Variants in TARBP1 observed in about 807,000 individuals in gnomAD.
TARBP1 encodes the protein tRNA (guanosine(18)-2'-O)-methyltransferase TARBP1.
In TARBP1, 144 loss-of-function variants were observed where a neutral mutation model predicts 178.6. The observed-to-expected ratio is 0.81, with a 90% CI of 0.70 to 0.93. TARBP1 has a LOEUF of 0.93. TARBP1 is among the 40% of genes least tolerant of loss of function. The pLI, the probability that TARBP1 is intolerant of heterozygous loss-of-function variation, is 0.00. For missense variants in TARBP1, 2,067 were observed against 2,011.7 expected, an observed-to-expected ratio of 1.03 and a Z score of -0.53; for synonymous variants, 787 against 781.0, an observed-to-expected ratio of 1.01 and a Z score of -0.13.
chr1:234,429,782 G>A, intron 15 of TARBP1, 105 bp from the exon 16 acceptor site: 1 of 1,252,002 alleles, frequency 8.0e-7, no homozygotes, highest in East Asian at 2.4e-5. Context: ...GGGGGGCAGT[G>A]TACAGATATA....
chr1:234,443,901 A>C (rs912949360), intron 12 of TARBP1, among the ~76,000 whole-genome samples: 4 of 152,226 alleles, frequency 2.6e-5, no homozygotes, highest in African/African-American at 9.6e-5. Context: ...GGAGGTACCC[A>C]GAGGAGTCAA....
chr1:234,478,963 C>G lies in TARBP1; in HGVS notation c.141G>C (p.Glu47Asp). 2.0e-6 allele frequency: 3 copies of G among 1,466,572 alleles called. No individual in the cohort carries two copies. In the South Asian group the frequency reaches 3.9e-5, roughly 19 times the overall value. The allele number at this position is 1,466,572 out of a possible 1,614,324, so 90.8% of individuals were successfully genotyped here. Residue 47 changes from glutamate (E) to aspartate (D), a missense_variant, in exon 1 of 30, where the codon GAG becomes GAC. Coordinates refer to ENST00000040877, the MANE Select transcript of TARBP1 (RefSeq NM_005646.4). ...CGCCTGCGCCCCCGCTGCCGCGCGC[C>G]TCCTCGTCCTCGAGCCGCTGCAGAA... ...RFLLQRLEDE[E>D]ARGSGGAGAL... is the part of the protein sequence containing the mutation.
chr1:234,422,620 G>C (rs1663235152), intron 20 of TARBP1, among the ~76,000 whole-genome samples: 1 of 151,874 alleles, frequency 6.6e-6, no homozygotes, highest in Admixed American at 6.6e-5. Flanking sequence ...GAGGGTGTGG[G>C]GATGGCTAAT....
intron 25 of TARBP1, 141 bp downstream of exon 25, chr1:234,401,040 C>T (rs1660624638): frequency 1.7e-6 from 1 of 600,402 alleles, no homozygotes; most frequent in South Asian, 2.3e-5. Flanking sequence ...CAAAGTTAAA[C>T]TTAGAACTTT....
rs370828855 is a variant in TARBP1 at position 234,446,831 on chromosome 1, G to T, written c.2106C>A (p.Cys702Ter). ...CTTGGGCACTGGAACCTTTCAACCT[G>T]CATGTGTTCAACAGCTTCAACAGCA... is the stretch of plus-strand genomic sequence containing the variant. ...LQLLLKLLNT[C>*]RLKGSSAQDD... The change falls in exon 12 of 30, where the codon TGC becomes TGA. Residue 702 changes from cysteine (C) to a stop codon, truncating the protein, a stop_gained. Coordinates refer to ENST00000040877, the MANE Select transcript of TARBP1 (RefSeq NM_005646.4). LOFTEE classifies it high-confidence loss of function. The T allele has an allele frequency of 1.2e-6, 2 of 1,613,768 alleles. No individual in the cohort carries two copies. The highest frequency in any genetic ancestry group is 2.7e-5 in the African/African-American group (2 of 74,864).
intron 9 of TARBP1, among the ~76,000 whole-genome samples, chr1:234,453,961 TG>T (rs1475564201): frequency 6.6e-6 from 1 of 152,064 alleles, no homozygotes; most frequent in East Asian, 1.9e-4. Context: ...GAGTCAGAGA[TG>T]AAAACAGACA....
intron 3 of TARBP1, among the ~76,000 whole-genome samples, chr1:234,469,060 CTTT>C (rs765324709): frequency 0.024 from 1,635 of 68,434 alleles, 20 homozygotes; most frequent in South Asian, 0.046. Context: ...CGGTTTTTGC[CTTT>C]TTTTTTTTTT....
rs2103023475 is a variant in TARBP1, at chr1:234,391,432, A to G, written c.*145T>C. 1 of 763,736 alleles carries G rather than the reference A, an allele frequency of 1.3e-6. No homozygotes were observed. Among genetic ancestry groups the G allele is most frequent in the East Asian group, 2.8e-5 (1 of 35,784 alleles). The allele number at this position is 763,736 out of a possible 1,614,324, so 47.3% of individuals were successfully genotyped here. On this transcript the variant is annotated 3_prime_UTR_variant, in exon 30 of 30. Transcript: ENST00000040877. ...GGGAAAATATATAGTAATATGTTTA[A>G]GGCACATGGCAAACTTTTGGCATTA...
chr1:234,414,684 G>A (rs150643460), intron 22 of TARBP1, among the ~76,000 whole-genome samples: 161 of 152,180 alleles, frequency 1.1e-3, no homozygotes, highest in Admixed American at 2.2e-3. Context: ...AGTGGGTTGG[G>A]AAGGATGTGA....
chr1:234,419,406 G>C lies in TARBP1; in HGVS notation c.3556-1173C>G, dbSNP rs143286922. Among the ~76,000 whole-genome samples the C allele has an allele frequency of 9.4e-4, 143 of 152,136 alleles. 1 individual carries two copies. The East Asian group carries it at 0.026, about 28-fold the overall frequency. On this transcript the variant is annotated intron_variant, in intron 21 of 29. Transcript: ENST00000040877. The stretch of plus-strand genomic sequence containing the variant: ...TTCACCACTAGCTGTGTAACCTCTC[G>C]GGAAGGACACCTAACCTCTCTCAAC...
intron 1 of TARBP1, among the ~76,000 whole-genome samples, chr1:234,475,344 A>G (rs747363754): frequency 5.9e-5 from 9 of 152,192 alleles, no homozygotes; most frequent in Non-Finnish European, 1.3e-4. Context: ...GCCTTGATAC[A>G]AGCAAAAGTT....
chr1:234,473,078 AC>A (rs1669225937), intron 1 of TARBP1, among the ~76,000 whole-genome samples: 1 of 152,178 alleles, frequency 6.6e-6, no homozygotes, highest in Non-Finnish European at 1.5e-5. Flanking sequence ...TCTCACTATA[AC>A]AGTAAAGGAT....
intron 12 of TARBP1, among the ~76,000 whole-genome samples, chr1:234,445,265 C>T (rs1167466337): frequency 6.6e-6 from 1 of 152,078 alleles, no homozygotes; most frequent in Non-Finnish European, 1.5e-5. Context: ...TCCTCTTCAC[C>T]TCACTAACCT....
intron 20 of TARBP1, among the ~76,000 whole-genome samples, chr1:234,423,795 G>A (rs1212778477): frequency 7.4e-6 from 1 of 135,718 alleles, no homozygotes; most frequent in Non-Finnish European, 1.5e-5. Flanking sequence ...TCACTGTGTT[G>A]CCCAGGCTGG....
chr1:234,445,730 G>A (rs965008925), intron 12 of TARBP1, among the ~76,000 whole-genome samples: 1 of 152,164 alleles, frequency 6.6e-6, no homozygotes. Context: ...GTTAACAGGA[G>A]GGCACTAAAC....
intron 9 of TARBP1, among the ~76,000 whole-genome samples, chr1:234,451,766 A>AAAAAAAAAAAAAAAAC (rs57636903): frequency 1.2e-4 from 2 of 17,174 alleles, no homozygotes; most frequent in African/African-American, 4.1e-4. Flanking sequence ...AAAAAAAAAA[A>AAAAAAAAAAAAAAAAC]TGATGAATGA....
At chr1:234,467,880 T>A (rs1668608823) in intron 3 of TARBP1, among the ~76,000 whole-genome samples, 1 of 152,134 alleles carries the variant, frequency 6.6e-6, no homozygotes, top group Admixed American at 6.6e-5. Flanking sequence ...CAAGCGATCC[T>A]CCTGCCTCAG....
At position 234,467,670 on chromosome 1, in the gene TARBP1, A is replaced by C. The variant is rs1174949173; in HGVS notation, c.1100-20T>G. 2 of 1,560,288 alleles carry C rather than the reference A, an allele frequency of 1.3e-6. No homozygotes were observed. The highest frequency in any genetic ancestry group is 2.8e-5 in the African/African-American group (2 of 72,616). ...AACATCCTGTGGAAACAAACATCAAATGTTGACATCTGATTCTGTCTTCAT... is the reference window on the plus strand; with the variant it reads ...AACATCCTGTGGAAACAAACATCAACTGTTGACATCTGATTCTGTCTTCAT... On this transcript the variant is annotated intron_variant, in intron 3 of 29. Coordinates refer to ENST00000040877, the MANE Select transcript of TARBP1 (RefSeq NM_005646.4).
intron 3 of TARBP1, among the ~76,000 whole-genome samples, chr1:234,470,013 T>C (rs1158395270): frequency 2.0e-5 from 3 of 152,180 alleles, no homozygotes; most frequent in Non-Finnish European, 2.9e-5. Context: ...ACACCTGTAA[T>C]CCCAGCACTT....
Sources: gnomAD v4.1 joint callset for allele counts (sites outside exome capture counted in the v4.1 genomes callset) on GRCh38, gnomAD v4.1.1 for gene constraint, MANE v1.5 for transcripts, NCBI Gene and HGNC (gene_info 2026-07-23, HGNC 2026-07-21) for gene names.